The following NAALADL2 variants were observed in gnomAD, a reference collection of about 807,000 sequenced individuals.
NAALADL2 encodes the protein inactive N-acetylated-alpha-linked acidic dipeptidase-like protein 2.
In NAALADL2, 76 loss-of-function variants were observed where a neutral mutation model predicts 87.2. The observed-to-expected ratio is 0.87, with a 90% CI of 0.72 to 1.05. The LOEUF (loss-of-function observed/expected upper bound fraction) is 1.05, where lower values mean the gene tolerates loss of function less well. Ranked by LOEUF, NAALADL2 falls within the 50% of genes least tolerant of loss-of-function variation. The pLI, the probability that NAALADL2 is intolerant of heterozygous loss-of-function variation, is 0.00. For synonymous variants in NAALADL2, 354 were observed against 331.0 expected (o/e 1.07, Z -0.75); for missense variants, 1,089 against 945.8 (o/e 1.15, Z -1.99).
chr3:175,068,139 C>T (rs1714892997), intron 1 of NAALADL2, among the ~76,000 whole-genome samples: 1 of 151,986 alleles, frequency 6.6e-6, no homozygotes, highest in Non-Finnish European at 1.5e-5. Context: ...CTTTTGGGTA[C>T]TGTGTTCACT....
intron 1 of NAALADL2, among the ~76,000 whole-genome samples, chr3:174,938,275 T>A (rs1041476039): frequency 6.6e-5 from 10 of 152,122 alleles, no homozygotes; most frequent in Non-Finnish European, 1.5e-4. Context: ...AAACATGTGT[T>A]ACTTGGTTTT....
At chr3:175,700,262 G>T (rs1334307547) in intron 11 of NAALADL2, among the ~76,000 whole-genome samples, 1 of 152,116 alleles carries the variant, frequency 6.6e-6, no homozygotes, top group Non-Finnish European at 1.5e-5. Flanking sequence ...TTCAGTTGAG[G>T]CCGTTGATTG....
intron 9 of NAALADL2, among the ~76,000 whole-genome samples, chr3:175,478,262 C>G (rs1306962808): frequency 6.6e-6 from 1 of 151,876 alleles, no homozygotes; most frequent in African/African-American, 2.4e-5. Flanking sequence ...ACGGAAGCGA[C>G]CATAAAGACT....
intron 1 of NAALADL2, among the ~76,000 whole-genome samples, chr3:174,448,099 G>C (rs1417267361): frequency 6.6e-6 from 1 of 152,058 alleles, no homozygotes; most frequent in Non-Finnish European, 1.5e-5. Flanking sequence ...ATTTCTGTGA[G>C]GTGCTCCATT....
chr3:175,375,259 C>T (rs974118183), intron 5 of NAALADL2, among the ~76,000 whole-genome samples: 1 of 151,988 alleles, frequency 6.6e-6, no homozygotes, highest in Non-Finnish European at 1.5e-5. Context: ...AATGTTAGTT[C>T]TTAAATGCTC....
chr3:175,544,050 G>A (rs1353458650), intron 9 of NAALADL2, among the ~76,000 whole-genome samples: 1 of 152,062 alleles, frequency 6.6e-6, no homozygotes, highest in Non-Finnish European at 1.5e-5. Context: ...GGAGTAGGAG[G>A]TAGTTTTCAA....
intron 1 of NAALADL2, among the ~76,000 whole-genome samples, chr3:174,867,229 TCA>T (rs892894397): frequency 3.9e-5 from 6 of 152,008 alleles, no homozygotes; most frequent in African/African-American, 1.4e-4. Flanking sequence ...TATTTGACTC[TCA>T]CAGTGTTGGC....
At chr3:174,556,393 C>A (rs62284660) in intron 2 of NAALADL2, among the ~76,000 whole-genome samples, 22,991 of 151,862 alleles carry the variant, frequency 0.15, 1,855 homozygotes, top group African/African-American at 0.2. Context: ...AGATTTTCGA[C>A]GTATTAATCT....
chr3:175,445,424 T>C (rs1391090894), intron 5 of NAALADL2, among the ~76,000 whole-genome samples: 1 of 152,104 alleles, frequency 6.6e-6, no homozygotes, highest in Non-Finnish European at 1.5e-5. Flanking sequence ...TCTTTTTAAC[T>C]CCCCAGGGCA....
intron 2 of NAALADL2, among the ~76,000 whole-genome samples, chr3:175,149,725 T>C (rs1488118902): frequency 6.6e-6 from 1 of 152,192 alleles, no homozygotes; most frequent in Non-Finnish European, 1.5e-5. Flanking sequence ...TAAAAATGTC[T>C]ATCAGTAGCA....
intron 2 of NAALADL2, among the ~76,000 whole-genome samples, chr3:174,591,504 C>T (rs139783069): frequency 7.9e-5 from 12 of 152,188 alleles, no homozygotes; most frequent in African/African-American, 2.2e-4. Flanking sequence ...GTTGGTAGCA[C>T]GCCTGATGGA....
At chr3:175,148,094 A>AATAATG (rs1553790285) in intron 2 of NAALADL2, among the ~76,000 whole-genome samples, 2 of 125,518 alleles carry the variant, frequency 1.6e-5, no homozygotes, top group East Asian at 4.1e-4. Flanking sequence ...TGATAATGAT[A>AATAATG]ATAATAATAA....
chr3:174,876,729 T>C (rs1241921248), intron 1 of NAALADL2, among the ~76,000 whole-genome samples: 2 of 152,182 alleles, frequency 1.3e-5, no homozygotes, highest in Non-Finnish European at 1.5e-5. Context: ...TTGTCTGTTA[T>C]ATTGAATTTC....
chr3:174,621,096 G>A (rs528515822), intron 2 of NAALADL2, among the ~76,000 whole-genome samples: 1 of 152,084 alleles, frequency 6.6e-6, no homozygotes, highest in African/African-American at 2.4e-5. Context: ...AAAAATAACT[G>A]TAAATCTGAG....
At chr3:175,153,466 A>T (rs867293064) in intron 2 of NAALADL2, among the ~76,000 whole-genome samples, 70 of 152,292 alleles carry the variant, frequency 4.6e-4, no homozygotes, top group African/African-American at 1.6e-3. Context: ...GCAGCTCTTC[A>T]TATACAGTTT....
At chr3:174,928,550 AT>A (rs1196571181) in intron 1 of NAALADL2, among the ~76,000 whole-genome samples, 1 of 152,120 alleles carries the variant, frequency 6.6e-6, no homozygotes, top group Non-Finnish European at 1.5e-5. Context: ...CTTATGTGAT[AT>A]TTGTAACAAT....
chr3:175,415,449 T>G (rs1714451171), intron 5 of NAALADL2, among the ~76,000 whole-genome samples: 1 of 152,188 alleles, frequency 6.6e-6, no homozygotes, highest in South Asian at 2.1e-4. Flanking sequence ...AGATATTAGT[T>G]ATTTTACTCT....
At chr3:175,245,556 G>A (rs1747822367) in intron 3 of NAALADL2, among the ~76,000 whole-genome samples, 1 of 152,188 alleles carries the variant, frequency 6.6e-6, no homozygotes, top group Non-Finnish European at 1.5e-5. Context: ...AAGGCAAGTA[G>A]CAACTCTGGT....
intron 1 of NAALADL2, among the ~76,000 whole-genome samples, chr3:175,004,987 C>G (rs995647990): frequency 1.2e-4 from 19 of 152,122 alleles, no homozygotes; most frequent in African/African-American, 4.6e-4. Context: ...AATTCCTCCT[C>G]TGTGGCACCT....
Sources: gnomAD v4.1 joint callset for allele counts (sites outside exome capture counted in the v4.1 genomes callset) on GRCh38, gnomAD v4.1.1 for gene constraint, MANE v1.5 for transcripts, NCBI Gene and HGNC (gene_info 2026-07-23, HGNC 2026-07-21) for gene names.